Variants in DPY19L2 observed in about 807,000 individuals in gnomAD.
The protein encoded by DPY19L2 is dpy-19 like 2, also known as probable C-mannosyltransferase DPY19L2.
A neutral mutation model predicts 97.9 loss-of-function variants in DPY19L2; 34 were observed. The observed-to-expected ratio is 0.35, with a 90% CI of 0.26 to 0.46. The LOEUF (loss-of-function observed/expected upper bound fraction) is 0.46. DPY19L2 is among the 20% of genes least tolerant of loss of function. The pLI is 1.00. For missense variants in DPY19L2, 623 were observed against 911.4 expected (o/e 0.68, Z 4.07); for synonymous variants, 230 against 307.9 (o/e 0.75, Z 2.65).
chr12:63,646,031 T>G (rs1009568050), intron 5 of DPY19L2, among the ~76,000 whole-genome samples: 1 of 151,782 alleles, frequency 6.6e-6, no homozygotes, highest in African/African-American at 2.4e-5. Context: ...CTTTCAGTTC[T>G]CTCTTGTTTC....
intron 6 of DPY19L2, among the ~76,000 whole-genome samples, chr12:63,636,112 C>A (rs866985347): frequency 7.1e-6 from 1 of 141,172 alleles, no homozygotes; most frequent in East Asian, 2.1e-4. Flanking sequence ...GAAGGGGGGG[C>A]GGCCAATATT....
At chr12:63,655,842 C>CA (rs1894899659) in intron 4 of DPY19L2, among the ~76,000 whole-genome samples, 1 of 152,074 alleles carries the variant, frequency 6.6e-6, no homozygotes, top group South Asian at 2.1e-4. Context: ...CTTTTGTCAG[C>CA]ACCTTATGAG....
intron 17 of DPY19L2, 94 bp from the exon 18 acceptor site, chr12:63,582,619 GATCTTCTA>G: frequency 7.6e-7 from 1 of 1,312,222 alleles, no homozygotes; most frequent in Non-Finnish European, 1.0e-6. Flanking sequence ...TTAAGACAAG[GATCTTCTA>G]ACTTAGTAAT....
chr12:63,658,660 A>G (rs1895282552), intron 4 of DPY19L2, among the ~76,000 whole-genome samples: 1 of 152,128 alleles, frequency 6.6e-6, no homozygotes, highest in African/African-American at 2.4e-5. Context: ...CCACCTGACC[A>G]AACTATCTCT....
chr12:63,630,746 C>T (rs1007919887), intron 6 of DPY19L2, among the ~76,000 whole-genome samples: 2 of 152,058 alleles, frequency 1.3e-5, no homozygotes, highest in Admixed American at 6.6e-5. Flanking sequence ...CTCTCCATCC[C>T]AAATCAACAG....
At chr12:63,614,190 CA>C (rs56375248) in intron 11 of DPY19L2, among the ~76,000 whole-genome samples, 69,875 of 113,812 alleles carry the variant, frequency 0.61, 18,481 homozygotes, top group East Asian at 0.7. Context: ...AACTCCGTCT[CA>C]AAAAAAAAAA....
chr12:63,620,694 G>A (rs543467886), intron 9 of DPY19L2, among the ~76,000 whole-genome samples: 8 of 152,140 alleles, frequency 5.3e-5, no homozygotes, highest in African/African-American at 1.9e-4. Flanking sequence ...AGTACATCTT[G>A]CGTTCAACTT....
At chr12:63,561,445 T>C (rs1217993991) in intron 21 of DPY19L2, among the ~76,000 whole-genome samples, 3 of 152,188 alleles carry the variant, frequency 2.0e-5, no homozygotes, top group African/African-American at 7.2e-5. Context: ...TCCCCAAACA[T>C]GGCCTCAGGC....
At chr12:63,620,750 C>G (rs983186029) in intron 9 of DPY19L2, among the ~76,000 whole-genome samples, 3 of 152,126 alleles carry the variant, frequency 2.0e-5, no homozygotes, top group African/African-American at 7.2e-5. Context: ...TACAAAGACA[C>G]GTGCACCCAT....
intron 6 of DPY19L2, among the ~76,000 whole-genome samples, chr12:63,631,878 G>C (rs968991612): frequency 2.6e-5 from 4 of 152,066 alleles, no homozygotes; most frequent in African/African-American, 4.8e-5. Context: ...GATCAAGTGG[G>C]CTTCATCCCT....
At chr12:63,568,859 A>AATCC (rs1266135750) in intron 21 of DPY19L2, among the ~76,000 whole-genome samples, 7 of 152,046 alleles carry the variant, frequency 4.6e-5, no homozygotes, top group Admixed American at 2.0e-4. Context: ...AAGTCTTACA[A>AATCC]ATCCAATATA....
chr12:63,587,152 A>G (rs1881932338), intron 16 of DPY19L2, among the ~76,000 whole-genome samples: 1 of 152,146 alleles, frequency 6.6e-6, no homozygotes, highest in South Asian at 2.1e-4. Flanking sequence ...TTATACAAAG[A>G]AAAATTTACA....
At chr12:63,588,514 TA>T (rs1316195947) in intron 16 of DPY19L2, among the ~76,000 whole-genome samples, 1 of 152,050 alleles carries the variant, frequency 6.6e-6, no homozygotes, top group Non-Finnish European at 1.5e-5. Flanking sequence ...GTTAAGAGGG[TA>T]GATCACATGT....
At chr12:63,593,434 T>C (rs1371298401) in intron 16 of DPY19L2, among the ~76,000 whole-genome samples, 5 of 152,160 alleles carry the variant, frequency 3.3e-5, no homozygotes, top group African/African-American at 1.2e-4. Context: ...ATGTGGCACA[T>C]ATACACCATG....
chr12:63,623,144 G>T (rs1262225649), intron 8 of DPY19L2, among the ~76,000 whole-genome samples: 1 of 150,890 alleles, frequency 6.6e-6, no homozygotes, highest in African/African-American at 2.4e-5. Context: ...CTCTGATAAG[G>T]TTATTTATAC....
chr12:63,661,807 T>A (rs994311130), intron 3 of DPY19L2, among the ~76,000 whole-genome samples: 1 of 152,142 alleles, frequency 6.6e-6, no homozygotes, highest in Non-Finnish European at 1.5e-5. Flanking sequence ...ATCCCCCACA[T>A]TTGAGATGCT....
intron 12 of DPY19L2, among the ~76,000 whole-genome samples, chr12:63,600,760 C>T (rs761468457): frequency 7.0e-4 from 106 of 150,628 alleles, no homozygotes; most frequent in Non-Finnish European, 1.1e-3. Flanking sequence ...AAAGTGGCTG[C>T]TTATACATAT....
chr12:63,641,133 T>C (rs1436997893), intron 6 of DPY19L2, among the ~76,000 whole-genome samples: 1 of 152,122 alleles, frequency 6.6e-6, no homozygotes, highest in East Asian at 1.9e-4. Flanking sequence ...CTCGATCTCC[T>C]GACCTCATGA....
At chr12:63,617,447 T>C (rs1888039470) in intron 10 of DPY19L2, 57 bp from the exon 11 acceptor site, 7 of 1,241,890 alleles carry the variant, frequency 5.6e-6, no homozygotes, top group African/African-American at 1.5e-5. Flanking sequence ...GCATAATGCA[T>C]ATTTTGTAGG....
Sources: allele counts gnomAD v4.1 joint callset (sites outside exome capture counted in the v4.1 genomes callset), GRCh38; gene constraint gnomAD v4.1.1; transcripts MANE v1.5; gene names NCBI Gene and HGNC (gene_info 2026-07-23, HGNC 2026-07-21).